The following EYA3 variants were observed in gnomAD, a reference collection of about 807,000 sequenced individuals.
EYA3 encodes the protein protein phosphatase EYA3.
A neutral mutation model predicts 80.0 loss-of-function variants in EYA3; 39 were observed. The observed-to-expected ratio is 0.49, with a 90% CI of 0.38 to 0.64. The LOEUF (loss-of-function observed/expected upper bound fraction) is 0.64, where lower values mean the gene tolerates loss of function less well. Ranked by LOEUF, EYA3 falls within the 30% of genes least tolerant of loss-of-function variation. The probability of loss-of-function intolerance (pLI) is 0.00; values close to 1 mark genes in which losing one functional copy is unlikely to be tolerated. For missense variants in EYA3, 523 were observed against 676.1 expected (o/e 0.77, Z 2.51); for synonymous variants, 206 against 232.8 (o/e 0.88, Z 1.05).
chr1:28,015,648 G>A (rs1642005225), intron 8 of EYA3, among the ~76,000 whole-genome samples: 1 of 152,070 alleles, frequency 6.6e-6, no homozygotes, highest in African/African-American at 2.4e-5. Flanking sequence ...CAGGCACAAG[G>A]GGGAAAAAAC....
intron 17 of EYA3, chr1:27,976,972 C>G (rs1403306208): frequency 1.0e-6 from 1 of 970,610 alleles, no homozygotes; most frequent in Non-Finnish European, 1.2e-6. Context: ...CCTGCCTCAG[C>G]CTCCCCAAGT....
chr1:28,063,714 A>T (rs1370817008), intron 1 of EYA3, among the ~76,000 whole-genome samples: 4 of 152,218 alleles, frequency 2.6e-5, no homozygotes, highest in Non-Finnish European at 5.9e-5. Flanking sequence ...GAATTCAAAG[A>T]GCAGTGAAGT....
intron 1 of EYA3, among the ~76,000 whole-genome samples, chr1:28,068,408 T>C (rs926098261): frequency 6.6e-6 from 1 of 152,078 alleles, no homozygotes; most frequent in Non-Finnish European, 1.5e-5. Context: ...ATTACATCTC[T>C]ATCCTATGTT....
rs745399549 is a variant in EYA3, at chr1:28,035,496, G to A, written c.361+48C>T. On this transcript the variant is annotated intron_variant, in intron 6 of 17. Transcript: ENST00000373871. Reference sequence around the variant, plus strand: ...ATGCATGGCTGATCAAAGTTTCTGCGGAATAAAATCAACATTCTTAGAAAT... The same window carrying A: ...ATGCATGGCTGATCAAAGTTTCTGCAGAATAAAATCAACATTCTTAGAAAT... 11 of 1,594,396 alleles carry A rather than the reference G, an allele frequency of 6.9e-6. 1 individual carries two copies. The highest frequency in any genetic ancestry group is 3.4e-5 in the South Asian group (3 of 88,188).
chr1:28,035,192 G>C (rs895780022), intron 6 of EYA3, among the ~76,000 whole-genome samples: 1 of 152,022 alleles, frequency 6.6e-6, no homozygotes, highest in African/African-American at 2.4e-5. Context: ...CAGACTACCT[G>C]GTGTTAGCAA....
intron 17 of EYA3, among the ~76,000 whole-genome samples, chr1:27,977,840 T>C: frequency 7.6e-6 from 1 of 132,336 alleles, no homozygotes; most frequent in African/African-American, 2.9e-5. Context: ...AGAGTGAGAC[T>C]CTATCTCAAA....
In EYA3 at chr1:27,974,226, A is replaced by C; in HGVS notation, c.*240T>G. 3.3e-6 allele frequency: 1 copy of C among 305,866 alleles called. No homozygotes were observed. Among genetic ancestry groups the C allele is most frequent in the Non-Finnish European group, 6.2e-6 (1 of 161,822 alleles). The allele number at this position is 305,866 out of a possible 1,614,324, so 18.9% of individuals were successfully genotyped here. On this transcript the variant is annotated 3_prime_UTR_variant, in exon 18 of 18. Transcript: ENST00000373871. ...GCAAAAATTGCAGCTGTTGGTTCTGATTGTGTTCTCGCCAGCATTCCATGG... is the reference window on the plus strand; with the variant it reads ...GCAAAAATTGCAGCTGTTGGTTCTGCTTGTGTTCTCGCCAGCATTCCATGG...
At chr1:28,035,749 C>G in intron 5 of EYA3, 69 bp from the exon 6 acceptor site, 1 of 1,409,440 alleles carries the variant, frequency 7.1e-7, no homozygotes. Flanking sequence ...GGTAAAATAG[C>G]TACCACCACT....
intron 1 of EYA3, among the ~76,000 whole-genome samples, chr1:28,068,006 G>C (rs1644892805): frequency 6.6e-6 from 1 of 152,106 alleles, no homozygotes; most frequent in Non-Finnish European, 1.5e-5. Flanking sequence ...TCCCTTGTCT[G>C]AAGTTTTTTG....
chr1:27,980,046 C>T (rs1027260757), intron 16 of EYA3, among the ~76,000 whole-genome samples: 3 of 152,122 alleles, frequency 2.0e-5, no homozygotes, highest in African/African-American at 4.8e-5. Flanking sequence ...CAATACAAGG[C>T]TTGGCTTAGG....
In EYA3 at chr1:28,035,659, T is replaced by C. The variant is rs1165341777; in HGVS notation, c.246A>G (p.Ser82=). ...GGTAAGCAGTTTCCGAAACAGGAAC[T>C]GAGAGAATATGTGCATAAGGTCTGG... The part of the protein sequence containing the change: ...YSAKPYAHIL[S]VPVSETAYPG... Residue 82 remains serine, a synonymous_variant, in exon 6 of 18, where the codon TCA becomes TCG. Coordinates refer to ENST00000373871, the MANE Select transcript of EYA3 (RefSeq NM_001990.4). 6.2e-7 allele frequency: 1 copy of C among 1,614,096 alleles called. No homozygotes were observed. The highest frequency in any genetic ancestry group is 1.1e-5 in the South Asian group (1 of 91,066).
At chr1:28,052,979 C>T (rs1462843580) in intron 2 of EYA3, among the ~76,000 whole-genome samples, 1 of 151,292 alleles carries the variant, frequency 6.6e-6, no homozygotes, top group Non-Finnish European at 1.5e-5. Context: ...CAGAGTAAGA[C>T]CCCATCTCGA....
chr1:28,072,627 T>C (rs1380356680), intron 1 of EYA3, among the ~76,000 whole-genome samples: 1 of 152,192 alleles, frequency 6.6e-6, no homozygotes, highest in African/African-American at 2.4e-5. Flanking sequence ...CTGGTGGGAA[T>C]GCAAAATGGT....
At chr1:28,076,436 C>T (rs1645202668) in intron 1 of EYA3, among the ~76,000 whole-genome samples, 1 of 151,914 alleles carries the variant, frequency 6.6e-6, no homozygotes, top group African/African-American at 2.4e-5. Flanking sequence ...CTCGGCCAGG[C>T]GTGGTGGCTC....
intron 6 of EYA3, among the ~76,000 whole-genome samples, chr1:28,029,956 G>A (rs989028633): frequency 2.6e-5 from 4 of 152,054 alleles, no homozygotes; most frequent in African/African-American, 9.7e-5. Flanking sequence ...CTGGGTTAGT[G>A]TAGTTGAAGC....
At chr1:28,022,039 G>A (rs1642472073) in intron 7 of EYA3, among the ~76,000 whole-genome samples, 1 of 152,080 alleles carries the variant, frequency 6.6e-6, no homozygotes, top group Non-Finnish European at 1.5e-5. Flanking sequence ...TGCCTAAGTG[G>A]GTCATTCGTT....
intron 1 of EYA3, among the ~76,000 whole-genome samples, chr1:28,083,719 T>C (rs1446102395): frequency 6.6e-6 from 1 of 152,210 alleles, no homozygotes; most frequent in Non-Finnish European, 1.5e-5. Context: ...ATTGTATCTA[T>C]AACGAAAGAA....
intron 1 of EYA3, among the ~76,000 whole-genome samples, chr1:28,073,680 C>T (rs550031560): frequency 2.3e-4 from 35 of 152,192 alleles, no homozygotes; most frequent in African/African-American, 7.5e-4. Flanking sequence ...AGGTGATCCA[C>T]CCGCCTTGGC....
Position 28,053,389 on chromosome 1 carries a change from C to A in EYA3, c.33+4605G>T, listed in dbSNP as rs148675846. 3.3e-5 allele frequency among the ~76,000 whole-genome samples: 5 copies of A among 152,206 alleles called. No individual in the cohort carries two copies. In the East Asian group the frequency reaches 9.6e-4, roughly 29 times the overall value. On this transcript the variant is annotated intron_variant, in intron 2 of 17. Transcript: ENST00000373871. ...ATGATAACACAAAAAGAAAGAAGCA[C>A]TGACAAATTCATAAATCAGCATTCT...
Sources: allele counts gnomAD v4.1 joint callset (sites outside exome capture counted in the v4.1 genomes callset), GRCh38; gene constraint gnomAD v4.1.1; transcripts MANE v1.5; gene names NCBI Gene and HGNC (gene_info 2026-07-23, HGNC 2026-07-21).